The following NOS1 variants were observed in gnomAD, a reference collection of about 807,000 sequenced individuals.
NOS1 encodes the protein NOS type I.
NOS1 carries 51 observed loss-of-function variants against 164.5 expected under a neutral mutation model. The observed-to-expected ratio is 0.31, with a 90% confidence interval of 0.25 to 0.39. The LOEUF (loss-of-function observed/expected upper bound fraction) is 0.39. Among genes scored for constraint, NOS1 ranks in the 10% least tolerant of loss-of-function variants. The probability of loss-of-function intolerance (pLI) is 1.00; values close to 1 mark genes in which losing one functional copy is unlikely to be tolerated. For missense variants in NOS1, 1,362 were observed against 1,885.6 expected, an observed-to-expected ratio of 0.72 and a Z score of 5.14; for synonymous variants, 719 against 745.8, an observed-to-expected ratio of 0.96 and a Z score of 0.59.
At chr12:117,215,684 C>T (rs534393319) in intron 28 of NOS1, among the ~76,000 whole-genome samples, 1 of 152,064 alleles carries the variant, frequency 6.6e-6, no homozygotes, top group Admixed American at 6.5e-5. Flanking sequence ...CTGCCCGCCT[C>T]AGCCTCCCAA....
intron 10 of NOS1, among the ~76,000 whole-genome samples, chr12:117,271,377 A>C (rs7305526): frequency 0.43 from 65,764 of 151,596 alleles, 14,509 homozygotes; most frequent in Admixed American, 0.52. Flanking sequence ...TCCCTGGTTC[A>C]AGCGATTCTC....
At chr12:117,303,999 C>T (rs746528409) in intron 3 of NOS1, among the ~76,000 whole-genome samples, 3 of 152,092 alleles carry the variant, frequency 2.0e-5, no homozygotes, top group Non-Finnish European at 2.9e-5. Context: ...AGTGAAACCC[C>T]GTCTCTGCCA....
chr12:117,229,175 C>T (rs1470859237), intron 22 of NOS1, among the ~76,000 whole-genome samples: 2 of 152,188 alleles, frequency 1.3e-5, no homozygotes, highest in Non-Finnish European at 2.9e-5. Flanking sequence ...CAACATGGAC[C>T]AAGAGCCCTG....
At chr12:117,301,229 G>A (rs1269282570) in intron 3 of NOS1, among the ~76,000 whole-genome samples, 9 of 152,162 alleles carry the variant, frequency 5.9e-5, no homozygotes. Flanking sequence ...CCAGGTTCAA[G>A]CGATCCTCCT....
chr12:117,359,660 T>C (rs934560599), intron 1 of NOS1, among the ~76,000 whole-genome samples: 1 of 151,694 alleles, frequency 6.6e-6, no homozygotes, highest in African/African-American at 2.4e-5. Flanking sequence ...GCGCTTTTCT[T>C]AGGCCTGAGC....
chr12:117,306,658 C>T (rs188301494), intron 3 of NOS1, among the ~76,000 whole-genome samples: 4 of 150,904 alleles, frequency 2.7e-5, no homozygotes, highest in African/African-American at 4.9e-5. Flanking sequence ...CTCGCTCTGT[C>T]GCCCAGGCTG....
At chr12:117,220,823 G>C (rs1343517033) in intron 26 of NOS1, among the ~76,000 whole-genome samples, 3 of 152,138 alleles carry the variant, frequency 2.0e-5, no homozygotes, top group African/African-American at 7.2e-5. Flanking sequence ...TGGGCACAAG[G>C]CGTGTCCAGT....
intron 2 of NOS1, among the ~76,000 whole-genome samples, chr12:117,326,789 T>C (rs913488918): frequency 6.6e-6 from 1 of 152,230 alleles, no homozygotes; most frequent in Non-Finnish European, 1.5e-5. Context: ...AGGACATTGC[T>C]TCCTGAGATG....
Position 117,208,389 on chromosome 12 carries a change from A to AGTGTGTGTGTGTGTGTGTGTGT in NOS1, c.*6919_*6920insACACACACACACACACACACAC, listed in dbSNP as rs1566016990. On this transcript the variant is annotated 3_prime_UTR_variant, in exon 29 of 29. Transcript: ENST00000317775. ...TAGGGGGGACGGCCGAGTTTCTGAC[A>AGTGTGTGTGTGTGTGTGTGTGT]GCGTGTGTGTGTGTGTGTGTGTGTG... The AGTGTGTGTGTGTGTGTGTGTGT allele has an allele frequency of 1.1e-6, 1 of 913,628 alleles. No homozygotes were observed. Among genetic ancestry groups the AGTGTGTGTGTGTGTGTGTGTGT allele is most frequent in the Non-Finnish European group, 1.4e-6 (1 of 715,772 alleles). The allele number at this position is 913,628 out of a possible 1,614,324, so 56.6% of individuals were successfully genotyped here.
intron 5 of NOS1, among the ~76,000 whole-genome samples, chr12:117,286,532 C>A (rs554705106): frequency 2.5e-4 from 38 of 152,240 alleles, no homozygotes; most frequent in African/African-American, 8.9e-4. Context: ...AGCGGGCAGC[C>A]ACGGCTCCAC....
At chr12:117,226,027 C>A (rs1423060252) in intron 24 of NOS1, among the ~76,000 whole-genome samples, 42 of 152,156 alleles carry the variant, frequency 2.8e-4, no homozygotes, top group Admixed American at 2.6e-3. Flanking sequence ...GGTGCAGATT[C>A]CTGGGCCATA....
Position 117,272,608 on chromosome 12 carries a change from G to A in NOS1, c.1665-49C>T, listed in dbSNP as rs750113679. The A allele has an allele frequency of 1.9e-6, 3 of 1,563,572 alleles. No individual in the cohort carries two copies. The highest frequency in any genetic ancestry group is 1.7e-6 in the Non-Finnish European group (2 of 1,146,250). ...CTCACCCGGAGCAGGTGTCTCATGG[G>A]CGGGACAGCTTGAATCTAGAGATGC... On this transcript the variant is annotated intron_variant, in intron 9 of 28. Transcript: ENST00000317775. This position sits in a 1 kb window ranked among gnomAD's most constrained non-coding sequence, Gnocchi z 4.3.
At chr12:117,307,354 C>CT (rs3837437) in intron 3 of NOS1, among the ~76,000 whole-genome samples, 52 of 151,840 alleles carry the variant, frequency 3.4e-4, no homozygotes, top group African/African-American at 1.1e-3. Flanking sequence ...TTGTTAGGTG[C>CT]TTTTTTTTGT....
At position 117,286,261 on chromosome 12, in the gene NOS1, C is replaced by G. The variant is rs191073515; in HGVS notation, c.1133G>C (p.Gly378Ala). 1.2e-6 allele frequency: 2 copies of G among 1,614,098 alleles called. No individual in the cohort carries two copies. Among genetic ancestry groups the G allele is most frequent in the Admixed American group, 3.3e-5 (2 of 60,002 alleles). The change falls in exon 6 of 29, where the codon GGC (glycine) becomes GCC (alanine). Residue 378 changes from glycine (G) to alanine (A), a missense_variant. Around this residue, in one of 4 missense-constraint regions of NOS1, gnomAD observed 129 missense variants for 186.0 expected, o/e 0.69. Coordinates refer to ENST00000317775, the MANE Select transcript of NOS1 (RefSeq NM_000620.5). ...CAGCCTTTCCATGTGGGCTTTGGAG[C>G]CAAATCTGAGTGAAGAGGAAGGGAC... ...DQYYSSIKRF[G>A]SKAHMERLEE...
intron 12 of NOS1, 45 bp from the exon 13 acceptor site, chr12:117,264,019 G>GAC: frequency 6.6e-7 from 1 of 1,524,230 alleles, no homozygotes; most frequent in Non-Finnish European, 9.1e-7. Context: ...TGCAGTGAGG[G>GAC]CATCTGGTTC....
chr12:117,212,887 G>C lies in NOS1; in HGVS notation c.*2422C>G. The C allele has an allele frequency of 1.0e-6, 1 of 985,416 alleles. No homozygotes were observed. Among genetic ancestry groups the C allele is most frequent in the Non-Finnish European group, 1.2e-6 (1 of 829,932 alleles). The allele number at this position is 985,416 out of a possible 1,614,324, so 61.0% of individuals were successfully genotyped here. The stretch of plus-strand genomic sequence containing the variant: ...GTATCAGGAATTCTGGCAAATGAAA[G>C]AAACACATCAGATCGCTCTCCTGCC... On this transcript the variant is annotated 3_prime_UTR_variant, in exon 29 of 29. Transcript: ENST00000317775.
rs866832304 is a variant in NOS1, at chr12:117,269,306, T to C, written c.1840-1162A>G. On this transcript the variant is annotated intron_variant, in intron 10 of 28. Transcript: ENST00000317775. ...GATCAGGCTTGGGCTATCTTAGATA[T>C]GGAAAGAAGACCAGAGGGTGTTTGG... 2.0e-4 allele frequency among the ~76,000 whole-genome samples: 30 copies of C among 151,884 alleles called. No homozygotes were observed. The Middle Eastern group carries it at 0.01, about 52-fold the overall frequency.
intron 2 of NOS1, among the ~76,000 whole-genome samples, chr12:117,317,326 T>A (rs955243489): frequency 1.3e-5 from 2 of 151,618 alleles, no homozygotes; most frequent in Non-Finnish European, 2.9e-5. Flanking sequence ...CCTGGAATAA[T>A]CTCAGTTTAG....
At chr12:117,294,519 G>T (rs888753500) in intron 3 of NOS1, among the ~76,000 whole-genome samples, 8 of 152,178 alleles carry the variant, frequency 5.3e-5, no homozygotes, top group African/African-American at 1.7e-4. Flanking sequence ...TTCTGGCAGG[G>T]CTGTTGTACT....
Sources: allele counts gnomAD v4.1 joint callset (sites outside exome capture counted in the v4.1 genomes callset), GRCh38; gene constraint gnomAD v4.1.1; regional missense constraint gnomAD v4.1.1; non-coding constraint Gnocchi (gnomAD v3.1); transcripts MANE v1.5; gene names NCBI Gene and HGNC (gene_info 2026-07-23, HGNC 2026-07-21).